Variants in RBFOX1 observed in about 807,000 individuals in gnomAD.
The protein encoded by RBFOX1 is RNA binding fox-1 homolog 1.
Under a neutral mutation model 57.7 loss-of-function variants are expected in RBFOX1, and 8 were observed. The observed-to-expected ratio is 0.14, with a 90% CI of 0.08 to 0.25. RBFOX1 has a LOEUF of 0.25. RBFOX1 is among the 10% of genes least tolerant of loss of function. The pLI, the probability that RBFOX1 is intolerant of heterozygous loss-of-function variation, is 1.00. For missense variants in RBFOX1, 611 were observed against 548.5 expected (o/e 1.11, Z -1.14); for synonymous variants, 326 against 222.4 (o/e 1.47, Z -4.15).
chr16:5,319,857 C>G (rs2064353593), intron 1 of RBFOX1, among the ~76,000 whole-genome samples: 1 of 152,140 alleles, frequency 6.6e-6, no homozygotes, highest in Non-Finnish European at 1.5e-5. Context: ...GCTCTGGGTC[C>G]TGGTGTTCCC....
chr16:6,367,898 C>G (rs529133087), intron 2 of RBFOX1, among the ~76,000 whole-genome samples: 3 of 152,312 alleles, frequency 2.0e-5, no homozygotes, highest in African/African-American at 4.8e-5. Context: ...CTGTGAAACT[C>G]AAACCCTTGT....
Position 6,377,005 on chromosome 16 carries a change from C to T in RBFOX1, c.-64+59948C>T, listed in dbSNP as rs560591547. Among the ~76,000 whole-genome samples the T allele has an allele frequency of 5.3e-5, 8 of 151,996 alleles. No individual in the cohort carries two copies. In the East Asian group the frequency reaches 1.2e-3, roughly 22 times the overall value. ...TTGGTCCCCAGACTGGGCTCGGTGG[C>T]TCATGCATATAATCCCAGTACTTTG... On this transcript the variant is annotated intron_variant, in intron 2 of 15. Coordinates refer to ENST00000550418, the MANE Select transcript of RBFOX1 (RefSeq NM_018723.4).
At chr16:7,094,769 T>TGTGTGG (rs1555466445) in intron 4 of RBFOX1, among the ~76,000 whole-genome samples, 7 of 138,890 alleles carry the variant, frequency 5.0e-5, no homozygotes, top group African/African-American at 1.5e-4. Flanking sequence ...TGTGTGTGTG[T>TGTGTGG]GTGTGTGGGT....
intron 1 of RBFOX1, among the ~76,000 whole-genome samples, chr16:6,135,173 C>G (rs1392861881): frequency 6.6e-6 from 1 of 152,156 alleles, no homozygotes; most frequent in Non-Finnish European, 1.5e-5. Flanking sequence ...TGCTTCAGTT[C>G]TGACTGGCTA....
intron 3 of RBFOX1, among the ~76,000 whole-genome samples, chr16:6,970,187 A>T (rs1007729963): frequency 6.6e-6 from 1 of 151,678 alleles, no homozygotes; most frequent in Non-Finnish European, 1.5e-5. Flanking sequence ...GGAAAAAAAT[A>T]AAAAAGAAAG....
At chr16:6,253,966 C>T (rs958580492) in intron 1 of RBFOX1, among the ~76,000 whole-genome samples, 1 of 152,134 alleles carries the variant, frequency 6.6e-6, no homozygotes, top group Middle Eastern at 3.4e-3. Context: ...TCAAGTAGGA[C>T]AGAACTCTTA....
At chr16:7,142,988 A>T (rs2074168680) in intron 4 of RBFOX1, among the ~76,000 whole-genome samples, 1 of 151,840 alleles carries the variant, frequency 6.6e-6, no homozygotes, top group African/African-American at 2.4e-5. Flanking sequence ...TGACTCCAAA[A>T]TTGGGACTGG....
chr16:5,431,276 A>T (rs494659), intron 1 of RBFOX1, among the ~76,000 whole-genome samples: 82,473 of 152,120 alleles, frequency 0.54, 22,628 homozygotes, highest in East Asian at 0.68. Flanking sequence ...CTTTTTGCGC[A>T]TGTGAAAAAT....
intron 3 of RBFOX1, among the ~76,000 whole-genome samples, chr16:5,662,600 A>G (rs988175155): frequency 1.3e-5 from 2 of 152,156 alleles, no homozygotes; most frequent in African/African-American, 4.8e-5. Flanking sequence ...ACCCCCTACC[A>G]TTTTTATTTT....
chr16:6,884,412 G>C (rs2063556015), intron 3 of RBFOX1, among the ~76,000 whole-genome samples: 1 of 152,138 alleles, frequency 6.6e-6, no homozygotes, highest in African/African-American at 2.4e-5. Flanking sequence ...GTCTACAAAA[G>C]GAGTGAGGAC....
chr16:7,374,363 C>T (rs1287338741), intron 4 of RBFOX1, among the ~76,000 whole-genome samples: 1 of 152,150 alleles, frequency 6.6e-6, no homozygotes, highest in African/African-American at 2.4e-5. Context: ...CCTGTCTGTC[C>T]TCCCTACAGC....
At chr16:6,901,539 G>A (rs1015856591) in intron 3 of RBFOX1, among the ~76,000 whole-genome samples, 4 of 152,114 alleles carry the variant, frequency 2.6e-5, no homozygotes, top group Non-Finnish European at 5.9e-5. Context: ...AGCAAATCCA[G>A]AGAAGATTTT....
chr16:7,165,387 G>GTAATAATAA (rs142157694), intron 4 of RBFOX1, among the ~76,000 whole-genome samples: 9,686 of 141,096 alleles, frequency 0.069, 389 homozygotes, highest in Non-Finnish European at 0.082. Flanking sequence ...TAACTCTTCT[G>GTAATAATAA]TAATAATAAT....
intron 5 of RBFOX1, among the ~76,000 whole-genome samples, chr16:7,566,143 T>C (rs10163402): frequency 0.42 from 63,182 of 151,882 alleles, 13,738 homozygotes; most frequent in South Asian, 0.57. Flanking sequence ...CGTAAGCATT[T>C]GATAGAGTGT....
chr16:7,592,132 T>C (rs567416340), intron 7 of RBFOX1, among the ~76,000 whole-genome samples: 1 of 152,270 alleles, frequency 6.6e-6, no homozygotes, highest in South Asian at 2.1e-4. Flanking sequence ...GCACATTCTT[T>C]CTGCACCGAA....
intron 3 of RBFOX1, among the ~76,000 whole-genome samples, chr16:5,768,563 G>A (rs1162359638): frequency 2.6e-5 from 4 of 152,140 alleles, no homozygotes; most frequent in East Asian, 1.9e-4. Flanking sequence ...ATACCAGCGT[G>A]GATCCTGTTT....
chr16:5,323,510 C>T (rs951919244), intron 1 of RBFOX1, among the ~76,000 whole-genome samples: 10 of 152,358 alleles, frequency 6.6e-5, no homozygotes, highest in Non-Finnish European at 1.2e-4. Flanking sequence ...GGCCTTGCCT[C>T]ATTGTCTCTG....
At chr16:5,505,862 C>G (rs28406133) in intron 2 of RBFOX1, among the ~76,000 whole-genome samples, 10,430 of 152,128 alleles carry the variant, frequency 0.069, 1,085 homozygotes, top group African/African-American at 0.22. Context: ...GGGATGAAGC[C>G]TCACCCTGCC....
intron 2 of RBFOX1, among the ~76,000 whole-genome samples, chr16:6,554,402 T>A (rs2097055088): frequency 6.6e-6 from 1 of 152,052 alleles, no homozygotes; most frequent in African/African-American, 2.4e-5. Flanking sequence ...GGACTGCAAA[T>A]GTGCACGAGG....
Sources: gnomAD v4.1 joint callset for allele counts (sites outside exome capture counted in the v4.1 genomes callset) on GRCh38, gnomAD v4.1.1 for gene constraint, MANE v1.5 for transcripts, NCBI Gene and HGNC (gene_info 2026-07-23, HGNC 2026-07-21) for gene names.